Variants in ODF2L observed in about 807,000 individuals in gnomAD.
ODF2L encodes protein BCAP.
Under a neutral mutation model 86.3 loss-of-function variants are expected in ODF2L, and 76 were observed. That is an observed-to-expected ratio of 0.88 (90% CI 0.73 to 1.07). The LOEUF is 1.07. Among genes scored for constraint, ODF2L ranks in the 50% least tolerant of loss-of-function variants. The pLI is 0.00. For synonymous variants in ODF2L, 241 were observed against 231.3 expected (o/e 1.04, Z -0.38); for missense variants, 748 against 717.4 (o/e 1.04, Z -0.49).
At chr1:86,393,478 C>G (rs1661475036) in intron 1 of ODF2L, among the ~76,000 whole-genome samples, 1 of 151,790 alleles carries the variant, frequency 6.6e-6, no homozygotes, top group Non-Finnish European at 1.5e-5. Flanking sequence ...AAAACGTTTT[C>G]TGATACAGAG....
intron 11 of ODF2L, among the ~76,000 whole-genome samples, chr1:86,368,055 C>T (rs116070883): frequency 0.048 from 7,254 of 152,180 alleles, 267 homozygotes; most frequent in South Asian, 0.067. Flanking sequence ...CAGCTGAACA[C>T]GGCAAGCCAC....
At chr1:86,382,800 A>C (rs1660679390) in intron 6 of ODF2L, 131 bp downstream of exon 6, 5 of 631,158 alleles carry the variant, frequency 7.9e-6, no homozygotes, top group Non-Finnish European at 8.5e-6. Context: ...AACCTGTAAA[A>C]TATCCAAATA....
chr1:86,383,042 T>C lies in ODF2L; in HGVS notation c.436-40A>G, dbSNP rs1434316356. 3.9e-6 allele frequency: 5 copies of C among 1,277,556 alleles called. No individual in the cohort carries two copies. The East Asian group carries it at 7.0e-5, about 18-fold the overall frequency. 79.1% of individuals were successfully genotyped at this position (1,277,556 alleles called of 1,614,324 possible). ...AAATAAGAATTAGGAATTTCACAACTTGGATAATATTGGCTAACTTTATAA... is the reference window on the plus strand; with the variant it reads ...AAATAAGAATTAGGAATTTCACAACCTGGATAATATTGGCTAACTTTATAA... On this transcript the variant is annotated intron_variant, in intron 5 of 17. Coordinates refer to ENST00000317336, the Ensembl canonical transcript of ODF2L.
intron 8 of ODF2L, among the ~76,000 whole-genome samples, chr1:86,373,906 G>A (rs1659987280): frequency 6.6e-6 from 1 of 152,118 alleles, no homozygotes; most frequent in African/African-American, 2.4e-5. Flanking sequence ...TTTTGTTCAT[G>A]GCTATATTTC....
At chr1:86,385,658 C>T in intron 2 of ODF2L, 68 bp from the exon 3 acceptor site, 1 of 1,230,004 alleles carries the variant, frequency 8.1e-7, no homozygotes, top group Non-Finnish European at 1.2e-6. Flanking sequence ...CTCAGAAATG[C>T]CATATCACCT....
rs1661444047 is a variant in ODF2L at position 86,393,088 on chromosome 1, A to C, written c.-60+2945T>G. On this transcript the variant is annotated intron_variant, in intron 1 of 17. Coordinates refer to ENST00000317336, the Ensembl canonical transcript of ODF2L. Reference sequence around the variant, plus strand: ...CCATGGTCAGAGAAAAAGGAAAATCATGGTCCATGACCTTCCTTAACACCT... The same window carrying C: ...CCATGGTCAGAGAAAAAGGAAAATCCTGGTCCATGACCTTCCTTAACACCT... 2.0e-5 allele frequency among the ~76,000 whole-genome samples: 3 copies of C among 152,322 alleles called. No individual in the cohort carries two copies. The South Asian group carries it at 6.2e-4, about 32-fold the overall frequency.
chr1:86,378,946 G>C (rs1271965128), intron 7 of ODF2L, among the ~76,000 whole-genome samples: 3 of 152,038 alleles, frequency 2.0e-5, no homozygotes, highest in Non-Finnish European at 4.4e-5. Context: ...TTGGATCATG[G>C]GGGTTGTTTC....
chr1:86,382,458 C>G, intron 6 of ODF2L, 100 bp from the exon 7 acceptor site: 1 of 1,533,926 alleles, frequency 6.5e-7, no homozygotes, highest in Non-Finnish European at 8.7e-7. Context: ...ACAATCTAAA[C>G]AGCTGATAAA....
intron 1 of ODF2L, among the ~76,000 whole-genome samples, chr1:86,391,083 G>A (rs1323265240): frequency 2.0e-5 from 3 of 152,052 alleles, no homozygotes; most frequent in African/African-American, 7.2e-5. Context: ...TACAATAGCT[G>A]CAAAAACAAA....
intron 11 of ODF2L, among the ~76,000 whole-genome samples, chr1:86,366,276 G>C (rs1659409227): frequency 6.6e-6 from 1 of 151,784 alleles, no homozygotes; most frequent in Admixed American, 6.6e-5. Flanking sequence ...AAATTGGGTT[G>C]GGCACAGTGG....
chr1:86,372,484 C>G (rs749550481), exon 9 of ODF2L: 1 of 1,523,642 alleles, frequency 6.6e-7, no homozygotes, highest in South Asian at 1.4e-5. Context: ...TCACAATTTT[C>G]TCATAATGAC....
At chr1:86,373,606 G>A (rs928214505) in intron 8 of ODF2L, among the ~76,000 whole-genome samples, 8 of 151,428 alleles carry the variant, frequency 5.3e-5, no homozygotes, top group African/African-American at 1.9e-4. Context: ...TGTTGCCCAG[G>A]CTGGTCTTGA....
At chr1:86,363,187 A>G (rs1259441158) in intron 11 of ODF2L, among the ~76,000 whole-genome samples, 1 of 152,214 alleles carries the variant, frequency 6.6e-6, no homozygotes, top group Non-Finnish European at 1.5e-5. Flanking sequence ...ATGATTTTCC[A>G]TTAACTGGGA....
intron 11 of ODF2L, among the ~76,000 whole-genome samples, chr1:86,368,200 C>T (rs917864377): frequency 1.2e-4 from 19 of 152,110 alleles, no homozygotes; most frequent in African/African-American, 2.2e-4. Context: ...TTGCCCTTAA[C>T]ATTCATATCT....
intron 13 of ODF2L, 144 bp downstream of exon 12, chr1:86,358,643 C>T (rs924472732): frequency 3.1e-5 from 11 of 352,762 alleles, no homozygotes; most frequent in East Asian, 1.8e-4. Context: ...ACATTATTTC[C>T]TTGGAAAACA....
At chr1:86,349,053 T>A, downstream of ODF2L, 1 of 488,650 alleles carries the variant, frequency 2.0e-6, no homozygotes, top group Non-Finnish European at 3.1e-6. Flanking sequence ...AATTAATAAT[T>A]AAAGCACACA....
In ODF2L at chr1:86,366,605, C is replaced by CAA. The variant is rs10659852; in HGVS notation, c.1143+2029_1143+2030dup. Reference sequence around the variant, plus strand: ...TCAGCAACAGAGCAAGACTCTGTCTCAAAAAAAAAAAGTGCCAATTGGAAA... The same window carrying CAA: ...TCAGCAACAGAGCAAGACTCTGTCTCAAAAAAAAAAAAAGTGCCAATTGGAAA... On this transcript the variant is annotated intron_variant, in intron 11 of 17. Transcript: ENST00000317336. 5.4e-3 allele frequency among the ~76,000 whole-genome samples: 750 copies of CAA among 138,166 alleles called. 15 individuals carry two copies. Among genetic ancestry groups the CAA allele is most frequent in the African/African-American group, 0.016 (606 of 37,638 alleles). 90.6% of individuals were successfully genotyped at this position (138,166 alleles called of 152,430 possible).
chr1:86,352,239 T>C, intron 17 of ODF2L: 2 of 1,475,596 alleles, frequency 1.4e-6, no homozygotes, highest in Non-Finnish European at 9.0e-7. Context: ...TTATTCTCTA[T>C]GTCATTATCT....
At chr1:86,374,959 GACTTAT>G (rs1660068818) in intron 8 of ODF2L, 1 of 151,944 alleles carries the variant, frequency 6.6e-6, no homozygotes, top group Non-Finnish European at 1.5e-5. Flanking sequence ...TGCCTTCTGA[GACTTAT>G]ACTCAAGTAG....
Sources: allele counts gnomAD v4.1 joint callset (sites outside exome capture counted in the v4.1 genomes callset), GRCh38; gene constraint gnomAD v4.1.1; transcripts MANE v1.5; gene names NCBI Gene and HGNC (gene_info 2026-07-23, HGNC 2026-07-21).